PLA2G4C: variants seen among roughly 807,000 people sequenced by gnomAD.
PLA2G4C encodes the protein cytosolic phospholipase A2 gamma.
Under a neutral mutation model 73.8 loss-of-function variants are expected in PLA2G4C, and 64 were observed. That is an observed-to-expected ratio of 0.87 (90% CI 0.71 to 1.07). The LOEUF (loss-of-function observed/expected upper bound fraction) is 1.07. Ranked by LOEUF, PLA2G4C falls within the 50% of genes least tolerant of loss-of-function variation. The pLI is 0.00. For synonymous variants in PLA2G4C, 254 were observed against 252.1 expected, an observed-to-expected ratio of 1.01 and a Z score of -0.07; for missense variants, 622 against 665.4, an observed-to-expected ratio of 0.93 and a Z score of 0.72.
intron 11 of PLA2G4C, among the ~76,000 whole-genome samples, chr19:48,076,828 G>A (rs1019655478): frequency 7.9e-5 from 12 of 152,092 alleles, no homozygotes; most frequent in Non-Finnish European, 1.8e-4. Flanking sequence ...GAGCCAAGTT[G>A]CCCTGGAGGA....
intron 16 of PLA2G4C, among the ~76,000 whole-genome samples, chr19:48,051,153 T>C (rs1245688237): frequency 6.6e-6 from 1 of 152,030 alleles, no homozygotes; most frequent in Non-Finnish European, 1.5e-5. Flanking sequence ...AGCAAGAGGC[T>C]GAAGGAGGGG....
chr19:48,066,958 GACACAC>G (rs200703260), intron 13 of PLA2G4C, among the ~76,000 whole-genome samples: 12 of 143,946 alleles, frequency 8.3e-5, no homozygotes, highest in African/African-American at 2.3e-4. Context: ...AACAGAGCAA[GACACAC>G]ACACACACAC....
chr19:48,104,703 C>A lies in PLA2G4C; in HGVS notation c.142G>T (p.Gly48Cys), dbSNP rs2032080457. 1 of 1,613,928 alleles carries A rather than the reference C, an allele frequency of 6.2e-7. No individual in the cohort carries two copies. The highest frequency in any genetic ancestry group is 1.7e-5 in the Admixed American group (1 of 59,996). ...ADEAPVVAVL[G>C]SGGGLRAHIA... ...TGAGCCCGCAGTCCTCCGCCTGAGC[C>A]CAGCACAGCAACAACTGGGGCCTAG... The change falls in exon 4 of 17, where the codon GGC (glycine) becomes TGC (cysteine). Residue 48 changes from glycine to cysteine, a missense_variant. Gly to Cys is a radical substitution (Grantham distance 159). Coordinates refer to ENST00000599921, the MANE Select transcript of PLA2G4C (RefSeq NM_003706.3).
At chr19:48,068,099 C>T (rs1320063155) in intron 12 of PLA2G4C, among the ~76,000 whole-genome samples, 3 of 152,068 alleles carry the variant, frequency 2.0e-5, no homozygotes, top group African/African-American at 4.8e-5. Context: ...ATCAAGAGAT[C>T]GAGACCATCC....
At chr19:48,070,612 A>G (rs977668796) in intron 12 of PLA2G4C, among the ~76,000 whole-genome samples, 1 of 152,240 alleles carries the variant, frequency 6.6e-6, no homozygotes, top group Non-Finnish European at 1.5e-5. Context: ...ATGGAGCTGG[A>G]AGCCATTATC....
At chr19:48,100,398 G>A (rs1190599664) in intron 4 of PLA2G4C, among the ~76,000 whole-genome samples, 2 of 151,112 alleles carry the variant, frequency 1.3e-5, no homozygotes, top group Admixed American at 6.6e-5. Context: ...ATGCGTGGTG[G>A]TGGGTACCTC....
chr19:48,076,710 T>C (rs977296905), intron 11 of PLA2G4C, among the ~76,000 whole-genome samples: 4 of 149,992 alleles, frequency 2.7e-5, no homozygotes, highest in Non-Finnish European at 5.9e-5. Context: ...GCCACTGCAC[T>C]CTAGCCTGGG....
At chr19:48,107,292 C>T (rs1249295846) in intron 1 of PLA2G4C, among the ~76,000 whole-genome samples, 1 of 152,178 alleles carries the variant, frequency 6.6e-6, no homozygotes, top group Non-Finnish European at 1.5e-5. Flanking sequence ...CAGGTGGTAG[C>T]TCTTGGTCTG....
At position 48,053,013 on chromosome 19, in the gene PLA2G4C, A is replaced by G; in HGVS notation, c.1564T>C (p.Leu522=). The part of the protein sequence containing the change: ...RENKKKILRE[L]MNVAGLYYPK... The stretch of plus-strand genomic sequence containing the variant: ...CCCACCTACCCGGCCACGTTCATCA[A>G]CTCTCTAAGGATCTTCTTCTTGTTT... Residue 522 remains leucine, a synonymous_variant, in exon 16 of 17, where the codon TTG becomes CTG. Coordinates refer to ENST00000599921, the MANE Select transcript of PLA2G4C (RefSeq NM_003706.3). The G allele has an allele frequency of 1.9e-6, 3 of 1,609,532 alleles. No individual in the cohort carries two copies. The East Asian group carries it at 6.7e-5, about 36-fold the overall frequency.
At chr19:48,074,920 T>A in intron 11 of PLA2G4C, 46 bp from the exon 12 acceptor site, 1 of 1,246,026 alleles carries the variant, frequency 8.0e-7, no homozygotes, top group Non-Finnish European at 1.1e-6. Flanking sequence ...CCAAGTACCC[T>A]ACCAAGAACA....
At chr19:48,048,461 G>T in intron 16 of PLA2G4C, 73 bp from the exon 17 acceptor site, 1 of 1,044,036 alleles carries the variant, frequency 9.6e-7, no homozygotes, top group Non-Finnish European at 1.4e-6. Flanking sequence ...AAGATTAGAA[G>T]ACCTGGAAGC....
intron 7 of PLA2G4C, among the ~76,000 whole-genome samples, chr19:48,093,844 C>T (rs1036366921): frequency 2.6e-5 from 4 of 152,174 alleles, no homozygotes; most frequent in East Asian, 1.9e-4. Flanking sequence ...CTCGTGATAG[C>T]GAGTGAGTTC....
intron 7 of PLA2G4C, among the ~76,000 whole-genome samples, chr19:48,093,818 A>C (rs1303495118): frequency 1.3e-5 from 2 of 152,126 alleles, no homozygotes; most frequent in African/African-American, 4.8e-5. Context: ...ATGGGGGCAG[A>C]TCCCCCCATG....
chr19:48,057,768 G>A (rs1968012954), intron 14 of PLA2G4C, among the ~76,000 whole-genome samples: 2 of 150,914 alleles, frequency 1.3e-5, no homozygotes, highest in South Asian at 2.1e-4. Flanking sequence ...GGGATTACAG[G>A]TGTGAGCCAC....
chr19:48,072,595 A>C lies in PLA2G4C; in HGVS notation c.1006+2172T>G, dbSNP rs1040813791. 6.6e-6 allele frequency: 1 copy of C among 152,214 alleles called. No homozygotes were observed. The highest frequency in any genetic ancestry group is 6.6e-5 in the Admixed American group (1 of 15,266). 9.4% of individuals were successfully genotyped at this position (152,214 alleles called of 1,614,324 possible). On this transcript the variant is annotated intron_variant, in intron 12 of 16. Transcript: ENST00000599921. This position sits in a 1 kb window ranked among gnomAD's most constrained non-coding sequence, Gnocchi z 4.4. Reference sequence around the variant, plus strand: ...TCACCTTGGAAAAGGAGGCTTCTTCATTAATCCCATCTAAGGGGAGCTTGG... The same window carrying C: ...TCACCTTGGAAAAGGAGGCTTCTTCCTTAATCCCATCTAAGGGGAGCTTGG...
intron 12 of PLA2G4C, among the ~76,000 whole-genome samples, chr19:48,069,085 G>T (rs1181614857): frequency 2.0e-5 from 3 of 150,858 alleles, no homozygotes; most frequent in African/African-American, 7.3e-5. Flanking sequence ...AAAGCCTATA[G>T]TTGAAGCCAC....
At chr19:48,053,172 G>A (rs761511294) in intron 15 of PLA2G4C, 25 bp from the exon 16 acceptor site, 1 of 1,529,748 alleles carries the variant, frequency 6.5e-7, no homozygotes, top group South Asian at 1.2e-5. Context: ...AACCAACAAA[G>A]AAAAGGCATC....
chr19:48,083,061 G>T (rs1020326649), intron 10 of PLA2G4C, among the ~76,000 whole-genome samples: 1 of 149,056 alleles, frequency 6.7e-6, no homozygotes, highest in Non-Finnish European at 1.5e-5. Context: ...TGATCCACCC[G>T]CCTCGGCCCC....
Position 48,062,071 on chromosome 19 carries a change from GGGAA to G in PLA2G4C, c.1180_1183del (p.Phe394HisfsTer44). On this transcript the variant is annotated frameshift_variant, in exon 14 of 17. Coordinates refer to ENST00000599921, the MANE Select transcript of PLA2G4C (RefSeq NM_003706.3). LOFTEE classifies it high-confidence loss of function. ...CTCCCGCGTCGGGGGCAGCACGAGT[GGGAA>G]GGGAGTGTTGATGGCTAAACCAGCA... 1 of 1,613,704 alleles carries G rather than the reference GGGAA, an allele frequency of 6.2e-7. No homozygotes were observed. The highest frequency in any genetic ancestry group is 8.5e-7 in the Non-Finnish European group (1 of 1,179,824).
Sources: allele counts gnomAD v4.1 joint callset (sites outside exome capture counted in the v4.1 genomes callset), GRCh38; gene constraint gnomAD v4.1.1; non-coding constraint Gnocchi (gnomAD v3.1); transcripts MANE v1.5; gene names NCBI Gene and HGNC (gene_info 2026-07-23, HGNC 2026-07-21).